Variants in TSHZ2 observed in about 807,000 individuals in gnomAD.
The protein encoded by TSHZ2 is teashirt zinc finger homeobox 2, also known as teashirt homolog 2.
TSHZ2 carries 21 observed loss-of-function variants against 74.4 expected under a neutral mutation model. The observed-to-expected ratio is 0.28, with a 90% CI of 0.20 to 0.41. The LOEUF (loss-of-function observed/expected upper bound fraction) is 0.41. TSHZ2 is among the 10% of genes least tolerant of loss of function. The pLI, the probability that TSHZ2 is intolerant of heterozygous loss-of-function variation, is 1.00. For missense variants in TSHZ2, 1,244 were observed against 1,293.5 expected (o/e 0.96, Z 0.59); for synonymous variants, 540 against 515.3 (o/e 1.05, Z -0.65).
intron 1 of TSHZ2, among the ~76,000 whole-genome samples, chr20:52,981,268 A>G (rs1178455562): frequency 6.6e-6 from 1 of 151,890 alleles, no homozygotes; most frequent in East Asian, 1.9e-4. Flanking sequence ...GATAAACCTT[A>G]CTCTCCGGGT....
At chr20:53,338,965 C>T (rs1980067692) in intron 2 of TSHZ2, among the ~76,000 whole-genome samples, 1 of 152,214 alleles carries the variant, frequency 6.6e-6, no homozygotes, top group Non-Finnish European at 1.5e-5. Context: ...CTTAGCAAAG[C>T]ACAGACGTGT....
intron 1 of TSHZ2, among the ~76,000 whole-genome samples, chr20:53,175,279 TAC>T (rs1275288071): frequency 1.3e-5 from 2 of 151,916 alleles, no homozygotes; most frequent in Non-Finnish European, 2.9e-5. Flanking sequence ...TAGCTGGAAT[TAC>T]AGTCGCCCAC....
At chr20:53,006,747 C>T (rs1982661108) in intron 1 of TSHZ2, among the ~76,000 whole-genome samples, 1 of 152,288 alleles carries the variant, frequency 6.6e-6, no homozygotes, top group Admixed American at 6.5e-5. Flanking sequence ...CTTCATTCTT[C>T]ATTCTTTCAC....
At chr20:53,266,771 G>A (rs549560936) in intron 2 of TSHZ2, among the ~76,000 whole-genome samples, 24 of 121,790 alleles carry the variant, frequency 2.0e-4, no homozygotes, top group African/African-American at 7.6e-4. Context: ...GCCGATCGAC[G>A]ATTTTTTTTT....
intron 1 of TSHZ2, among the ~76,000 whole-genome samples, chr20:53,142,081 T>C (rs1259245302): frequency 6.6e-6 from 1 of 152,142 alleles, no homozygotes; most frequent in Non-Finnish European, 1.5e-5. Flanking sequence ...TTTTTGTTGT[T>C]TGTTGTTGTT....
At chr20:53,449,390 A>G (rs903967415) in intron 2 of TSHZ2, among the ~76,000 whole-genome samples, 6 of 152,236 alleles carry the variant, frequency 3.9e-5, no homozygotes, top group Non-Finnish European at 7.3e-5. Flanking sequence ...ATGGGTGGTA[A>G]TTACCATTTA....
In TSHZ2 at chr20:53,170,170, A is replaced by G. The variant is rs149030203; in HGVS notation, c.41-83329A>G. Among the ~76,000 whole-genome samples the G allele has an allele frequency of 5.3e-5, 8 of 152,244 alleles. No homozygotes were observed. The East Asian group carries it at 1.5e-3, about 29-fold the overall frequency. Reference sequence around the variant, plus strand: ...AGATCTATTCAGCCCCAAAGTCTAGACTTTGTCTTTCGATTACACTGCTTT... The same window carrying G: ...AGATCTATTCAGCCCCAAAGTCTAGGCTTTGTCTTTCGATTACACTGCTTT... On this transcript the variant is annotated intron_variant, in intron 1 of 2. Coordinates refer to ENST00000371497, the MANE Select transcript of TSHZ2 (RefSeq NM_173485.6).
At chr20:53,090,006 A>T (rs1985828735) in intron 1 of TSHZ2, among the ~76,000 whole-genome samples, 1 of 152,268 alleles carries the variant, frequency 6.6e-6, no homozygotes, top group Admixed American at 6.5e-5. Context: ...CCTAAACCTC[A>T]AAAGTAGGGA....
intron 1 of TSHZ2, among the ~76,000 whole-genome samples, chr20:53,123,978 T>A (rs961632705): frequency 6.6e-6 from 1 of 152,198 alleles, no homozygotes; most frequent in Non-Finnish European, 1.5e-5. Context: ...GCCTGCTTAA[T>A]ATGGTTGATA....
At chr20:53,204,927 A>G (rs1989127337) in intron 1 of TSHZ2, among the ~76,000 whole-genome samples, 1 of 151,746 alleles carries the variant, frequency 6.6e-6, no homozygotes, top group Non-Finnish European at 1.5e-5. Context: ...TAAAAATACA[A>G]AAAAAGAAAA....
rs1982795316 is a variant in TSHZ2 at position 53,405,091 on chromosome 20, A to ACC, written c.*9-82053_*9-82052insCC. ...AGGGCGAAAACCTGTCTCTACAAAAATACAAAAATTAGCCAGCTGTGGTTG... is the reference window on the plus strand; with the variant it reads ...AGGGCGAAAACCTGTCTCTACAAAAACCTACAAAAATTAGCCAGCTGTGGTTG... On this transcript the variant is annotated intron_variant, in intron 2 of 2. Transcript: ENST00000371497. Among the ~76,000 whole-genome samples, 3 of 152,184 alleles carry ACC rather than the reference A, an allele frequency of 2.0e-5. No individual in the cohort carries two copies. The South Asian group carries it at 6.2e-4, about 32-fold the overall frequency.
chr20:53,221,959 C>T (rs1037210130), intron 1 of TSHZ2, among the ~76,000 whole-genome samples: 4 of 152,154 alleles, frequency 2.6e-5, no homozygotes, highest in Admixed American at 1.3e-4. Flanking sequence ...CTTACAGATG[C>T]GTGAAGTTAG....
At chr20:53,427,964 G>A (rs1460216668) in intron 2 of TSHZ2, among the ~76,000 whole-genome samples, 1 of 152,192 alleles carries the variant, frequency 6.6e-6, no homozygotes, top group Non-Finnish European at 1.5e-5. Context: ...AGATCATGTG[G>A]CCTTCCAGAA....
At chr20:53,085,346 C>T (rs1985664916) in intron 1 of TSHZ2, among the ~76,000 whole-genome samples, 1 of 151,910 alleles carries the variant, frequency 6.6e-6, no homozygotes, top group Non-Finnish European at 1.5e-5. Flanking sequence ...GCCTGGGCAA[C>T]ACAATGAAAC....
intron 2 of TSHZ2, among the ~76,000 whole-genome samples, chr20:53,409,506 A>G (rs184134044): frequency 1.3e-5 from 2 of 152,158 alleles, no homozygotes; most frequent in African/African-American, 4.8e-5. Flanking sequence ...CACAAGCCCA[A>G]TTTCTGCAGA....
chr20:53,317,863 C>T (rs955318582), intron 2 of TSHZ2, among the ~76,000 whole-genome samples: 8 of 152,214 alleles, frequency 5.3e-5, no homozygotes, highest in African/African-American at 1.9e-4. Flanking sequence ...GCCCTCTGTT[C>T]TGCAGGGTGG....
chr20:53,090,368 G>A (rs966305107), intron 1 of TSHZ2, among the ~76,000 whole-genome samples: 2 of 152,112 alleles, frequency 1.3e-5, no homozygotes, highest in African/African-American at 4.8e-5. Flanking sequence ...CAATCAAATC[G>A]ACACTCAATA....
At chr20:53,128,022 T>C (rs1986994754) in intron 1 of TSHZ2, among the ~76,000 whole-genome samples, 1 of 108,682 alleles carries the variant, frequency 9.2e-6, no homozygotes, top group Admixed American at 9.6e-5. Context: ...ATGTTGTGGC[T>C]GTTTTTGGCT....
In TSHZ2 at chr20:53,338,634, G is replaced by T. The variant is rs1238616096; in HGVS notation, c.*8+82063G>T. 5.9e-5 allele frequency among the ~76,000 whole-genome samples: 9 copies of T among 152,178 alleles called. 1 individual carries two copies. Among genetic ancestry groups the T allele is most frequent in the Admixed American group, 5.2e-4 (8 of 15,278 alleles). ...CTGGCAGATAGACACCAGGGAAGCT[G>T]TGGAATGTCCTACAGTGCCTGGGAC... On this transcript the variant is annotated intron_variant, in intron 2 of 2. Transcript: ENST00000371497.
Sources: allele counts gnomAD v4.1 joint callset (sites outside exome capture counted in the v4.1 genomes callset), GRCh38; gene constraint gnomAD v4.1.1; transcripts MANE v1.5; gene names NCBI Gene and HGNC (gene_info 2026-07-23, HGNC 2026-07-21).